DLG2: variants seen among roughly 807,000 people sequenced by gnomAD.
DLG2 encodes disks large homolog 2.
In DLG2, 45 loss-of-function variants were observed where a neutral mutation model predicts 132.5. The observed-to-expected ratio is 0.34, with a 90% CI of 0.27 to 0.44. The LOEUF (loss-of-function observed/expected upper bound fraction) is 0.44, where lower values mean the gene tolerates loss of function less well. Among genes scored for constraint, DLG2 ranks in the 20% least tolerant of loss-of-function variants. DLG2 has a pLI of 1.00. For missense variants in DLG2, 1,045 were observed against 1,196.9 expected, an observed-to-expected ratio of 0.87 and a Z score of 1.87; for synonymous variants, 424 against 419.6, an observed-to-expected ratio of 1.01 and a Z score of -0.13.
Position 84,532,628 on chromosome 11 carries a change from T to C in DLG2, c.519+1942A>G, listed in dbSNP as rs559655231. ...CTCTCACCTCAGACTCCTCCATACC[T>C]GCAACTACACTTGCATGCCACCTCG... On this transcript the variant is annotated intron_variant, in intron 7 of 27. Coordinates refer to ENST00000376104, the MANE Select transcript of DLG2 (RefSeq NM_001142699.3). 2.6e-5 allele frequency among the ~76,000 whole-genome samples: 4 copies of C among 152,222 alleles called. No homozygotes were observed. The South Asian group carries it at 6.2e-4, about 24-fold the overall frequency.
At chr11:83,526,032 A>G (rs2095601224) in intron 21 of DLG2, among the ~76,000 whole-genome samples, 1 of 152,308 alleles carries the variant, frequency 6.6e-6, no homozygotes, top group South Asian at 2.1e-4. Context: ...AAGTTCTAAG[A>G]ATCTATGAAA....
intron 7 of DLG2, among the ~76,000 whole-genome samples, chr11:84,463,494 T>C (rs554548000): frequency 5.4e-4 from 81 of 151,186 alleles, no homozygotes; most frequent in African/African-American, 1.9e-3. Flanking sequence ...GAAACCACAA[T>C]TGGCAGACAG....
intron 7 of DLG2, among the ~76,000 whole-genome samples, chr11:84,509,417 T>TA (rs1213576553): frequency 6.6e-6 from 1 of 152,212 alleles, no homozygotes; most frequent in Admixed American, 6.5e-5. Context: ...TAAATTAATG[T>TA]AAAAAACTAC....
chr11:85,209,445 C>CTTTTTTTTTTTTTTT (rs1164394816), intron 4 of DLG2, among the ~76,000 whole-genome samples: 1 of 74,434 alleles, frequency 1.3e-5, no homozygotes, highest in African/African-American at 5.5e-5. Context: ...AGAAATCAGT[C>CTTTTTTTTTTTTTTT]TTTTTTTTTT....
intron 11 of DLG2, among the ~76,000 whole-genome samples, chr11:83,992,108 T>A (rs1054937274): frequency 6.6e-6 from 1 of 152,190 alleles, no homozygotes; most frequent in Non-Finnish European, 1.5e-5. Flanking sequence ...AACTCTTGCA[T>A]TTCTAAGTTG....
At chr11:83,736,077 A>AT (rs1165038643) in intron 18 of DLG2, among the ~76,000 whole-genome samples, 3 of 152,174 alleles carry the variant, frequency 2.0e-5, no homozygotes, top group African/African-American at 4.8e-5. Context: ...AAATATTGAC[A>AT]TTTTTCATAC....
intron 21 of DLG2, among the ~76,000 whole-genome samples, chr11:83,511,004 A>T (rs1243980270): frequency 1.4e-5 from 2 of 146,940 alleles, no homozygotes; most frequent in Admixed American, 1.4e-4. Flanking sequence ...AAAACACCGC[A>T]AACTGCCCTC....
At chr11:84,423,327 CACTT>C (rs1446624757) in intron 7 of DLG2, among the ~76,000 whole-genome samples, 2 of 152,086 alleles carry the variant, frequency 1.3e-5, no homozygotes, top group African/African-American at 2.4e-5. Context: ...TATTTTGTCT[CACTT>C]AGTACACTAA....
chr11:84,036,886 G>A (rs1361842204), intron 11 of DLG2, among the ~76,000 whole-genome samples: 1 of 152,086 alleles, frequency 6.6e-6, no homozygotes, highest in Non-Finnish European at 1.5e-5. Flanking sequence ...AGCTAGGTCG[G>A]TGTGTTGCCA....
intron 16 of DLG2, among the ~76,000 whole-genome samples, chr11:83,850,517 T>A (rs1488139811): frequency 6.6e-6 from 1 of 151,002 alleles, no homozygotes; most frequent in Non-Finnish European, 1.5e-5. Flanking sequence ...AGTGGGATAA[T>A]AATTAATGAA....
intron 17 of DLG2, among the ~76,000 whole-genome samples, chr11:83,796,575 A>T (rs1319621500): frequency 6.6e-6 from 1 of 151,936 alleles, no homozygotes; most frequent in Non-Finnish European, 1.5e-5. Flanking sequence ...ATTTTTTGTT[A>T]TCTCTTATGG....
chr11:83,469,473 A>C (rs1294848624), intron 24 of DLG2, 100 bp from the exon 25 acceptor site: 2 of 889,058 alleles, frequency 2.2e-6, no homozygotes, highest in Non-Finnish European at 3.4e-6. Context: ...GATATGTAGA[A>C]ATATGTAGTA....
At chr11:83,997,128 A>C (rs867416975) in intron 11 of DLG2, among the ~76,000 whole-genome samples, 108 of 152,058 alleles carry the variant, frequency 7.1e-4, no homozygotes, top group African/African-American at 2.4e-3. Context: ...AAGTAAAAAA[A>C]AAAAAATAAA....
intron 8 of DLG2, among the ~76,000 whole-genome samples, chr11:84,207,332 C>A (rs2096684001): frequency 6.6e-6 from 1 of 151,648 alleles, no homozygotes; most frequent in African/African-American, 2.4e-5. Flanking sequence ...GTCAAGATAG[C>A]CAATACAATC....
intron 6 of DLG2, among the ~76,000 whole-genome samples, chr11:84,772,105 C>T (rs2069519280): frequency 1.3e-5 from 2 of 151,032 alleles, no homozygotes; most frequent in Non-Finnish European, 3.0e-5. Context: ...AAAGGAATTG[C>T]TATTCTTATA....
chr11:84,498,011 G>A (rs1211717496), intron 7 of DLG2, among the ~76,000 whole-genome samples: 5 of 152,128 alleles, frequency 3.3e-5, no homozygotes, highest in South Asian at 2.1e-4. Context: ...ACATGAAAGG[G>A]CAATAATTTT....
intron 15 of DLG2, among the ~76,000 whole-genome samples, chr11:83,883,513 T>A (rs2066895708): frequency 6.6e-6 from 1 of 152,240 alleles, no homozygotes; most frequent in South Asian, 2.1e-4. Context: ...TGAGAGACTC[T>A]GAGAGTACAC....
chr11:84,280,359 C>T (rs141218376), intron 7 of DLG2, among the ~76,000 whole-genome samples: 4,093 of 150,850 alleles, frequency 0.027, 92 homozygotes, highest in South Asian at 0.081. Flanking sequence ...ACCCCTGTAT[C>T]CCGGGTTCAA....
intron 20 of DLG2, among the ~76,000 whole-genome samples, chr11:83,538,540 C>T (rs7934399): frequency 0.66 from 100,373 of 152,096 alleles, 33,655 homozygotes; most frequent in African/African-American, 0.75. Context: ...TGTAAAGCCA[C>T]CTGGCTTTGC....
Sources: allele counts gnomAD v4.1 joint callset (sites outside exome capture counted in the v4.1 genomes callset), GRCh38; gene constraint gnomAD v4.1.1; transcripts MANE v1.5; gene names NCBI Gene and HGNC (gene_info 2026-07-23, HGNC 2026-07-21).